The following ZNF608 variants were observed in gnomAD, a reference collection of about 807,000 sequenced individuals.
ZNF608 encodes the protein zinc finger protein 608.
In ZNF608, 12 loss-of-function variants were observed where a neutral mutation model predicts 109.0. That is an observed-to-expected ratio of 0.11 (90% confidence interval 0.07 to 0.18). The LOEUF is 0.18. ZNF608 is among the 10% of genes least tolerant of loss of function. The pLI is 1.00. For synonymous variants in ZNF608, 732 were observed against 717.4 expected (o/e 1.02, Z -0.33); for missense variants, 1,707 against 1,879.3 (o/e 0.91, Z 1.70).
chr5:124,685,720 G>A (rs1752384936), intron 3 of ZNF608, among the ~76,000 whole-genome samples: 1 of 152,056 alleles, frequency 6.6e-6, no homozygotes, highest in African/African-American at 2.4e-5. Flanking sequence ...TACGCGGCCA[G>A]CCCACCTGAT....
chr5:124,647,953 T>C lies in ZNF608; in HGVS notation c.2431A>G (p.Lys811Glu), dbSNP rs201501963. ...VNPALVSLKD[K>E]KKKEKRKLKD... ...AGCTTTCGCTTCTCCTTTTTCTTTT[T>C]GTCTTTGAGTGACACCAGAGCTGGG... is the stretch of plus-strand genomic sequence containing the variant. Residue 811 changes from lysine to glutamate, a missense_variant, in exon 5 of 10, where the codon AAA becomes GAA. Physicochemically the swap from Lys to Glu is moderately conservative, Grantham distance 56. Transcript: ENST00000513986. The C allele has an allele frequency of 1.2e-6, 2 of 1,614,132 alleles. No individual in the cohort carries two copies. The highest frequency in any genetic ancestry group is 1.7e-6 in the Non-Finnish European group (2 of 1,180,014).
chr5:124,692,568 T>A (rs1230165526), intron 3 of ZNF608, among the ~76,000 whole-genome samples: 1 of 152,206 alleles, frequency 6.6e-6, no homozygotes, highest in African/African-American at 2.4e-5. Context: ...AAAAATAAAC[T>A]CCAGTTATTA....
intron 3 of ZNF608, among the ~76,000 whole-genome samples, chr5:124,698,978 C>T (rs1002092834): frequency 6.6e-6 from 1 of 152,122 alleles, no homozygotes; most frequent in African/African-American, 2.4e-5. Flanking sequence ...TCATGACAAG[C>T]AATAAACTGA....
Position 124,701,237 on chromosome 5 carries a change from T to C in ZNF608, c.939A>G (p.Pro313=). ...VDPLFTVPAP[P]PPISSSLTPQ... ...GCGTGAGACTGCTGGAAATCGGCGG[T>C]GGTGGCGCTGGCACTGTAAACAGGG... Residue 313 remains proline (P), a synonymous_variant, in exon 3 of 10, where the codon CCA becomes CCG. Transcript: ENST00000513986. The C allele has an allele frequency of 1.9e-6, 3 of 1,614,006 alleles. No individual in the cohort carries two copies. Among genetic ancestry groups the C allele is most frequent in the Non-Finnish European group, 2.5e-6 (3 of 1,179,988 alleles).
chr5:124,739,679 G>C (rs1248143950), intron 2 of ZNF608, among the ~76,000 whole-genome samples: 1 of 152,194 alleles, frequency 6.6e-6, no homozygotes, highest in Non-Finnish European at 1.5e-5. Flanking sequence ...TTTTCACAGT[G>C]TTGCTCATAT....
At chr5:124,688,849 A>G (rs1580626774) in intron 3 of ZNF608, among the ~76,000 whole-genome samples, 1 of 152,334 alleles carries the variant, frequency 6.6e-6, no homozygotes, top group African/African-American at 2.4e-5. Context: ...TGTTTTCATA[A>G]CATCAGAAAT....
chr5:124,733,401 A>G (rs919584118), intron 2 of ZNF608, among the ~76,000 whole-genome samples: 3 of 152,096 alleles, frequency 2.0e-5, no homozygotes, highest in Non-Finnish European at 2.9e-5. Context: ...TACAAGCACA[A>G]TGAGGAGCTG....
chr5:124,708,664 G>T, intron 2 of ZNF608: 1 of 455,138 alleles, frequency 2.2e-6, no homozygotes, highest in South Asian at 1.6e-5. Flanking sequence ...TAAAACTACC[G>T]TTATGCACAG....
intron 2 of ZNF608, among the ~76,000 whole-genome samples, chr5:124,718,329 G>GAAAAATA: frequency 6.6e-6 from 1 of 152,290 alleles, no homozygotes; most frequent in East Asian, 1.9e-4. Flanking sequence ...AAACAGAAAT[G>GAAAAATA]AAAAATAAAC....
chr5:124,733,622 A>T (rs1445792700), intron 2 of ZNF608, among the ~76,000 whole-genome samples: 1 of 152,178 alleles, frequency 6.6e-6, no homozygotes, highest in African/African-American at 2.4e-5. Context: ...GGGCTACCAC[A>T]ATCATTGCTA....
chr5:124,745,592 A>T (rs1749610793), intron 1 of ZNF608, among the ~76,000 whole-genome samples: 3 of 152,180 alleles, frequency 2.0e-5, no homozygotes, highest in African/African-American at 7.2e-5. Flanking sequence ...ATCCCTAAAC[A>T]TGTCCTAGAT....
At chr5:124,651,854 A>G (rs1750798390) in intron 3 of ZNF608, among the ~76,000 whole-genome samples, 2 of 152,224 alleles carry the variant, frequency 1.3e-5, no homozygotes, top group Admixed American at 6.5e-5. Context: ...CGCATCCCCC[A>G]CGGCGCGCTG....
chr5:124,670,333 C>CTTTTT (rs199562758), intron 3 of ZNF608, among the ~76,000 whole-genome samples: 1 of 147,516 alleles, frequency 6.8e-6, no homozygotes. Flanking sequence ...CTTTTTCTTT[C>CTTTTT]TTTCTTTTTT....
chr5:124,674,540 A>T (rs1249538534), intron 3 of ZNF608, among the ~76,000 whole-genome samples: 1 of 152,190 alleles, frequency 6.6e-6, no homozygotes, highest in Non-Finnish European at 1.5e-5. Context: ...ATATTAAATC[A>T]ATTAATTCAG....
chr5:124,649,089 C>T lies in ZNF608; in HGVS notation c.1295G>A (p.Arg432Gln), dbSNP rs758196762. ...AGACCTCGCTCTCTTCCCTCTGCCC[C>T]GGCCCCCTCTCATCTCCAGGTCACT... Reference protein sequence around the residue: ...PTSDLEMRGGRGRGKRARSAA... With the variant: ...PTSDLEMRGGQGRGKRARSAA... Residue 432 changes from arginine to glutamine, a missense_variant, in exon 5 of 10, where the codon CGG becomes CAG. Arg to Gln is a conservative substitution (Grantham distance 43, BLOSUM62 1). This residue lies in a region of ZNF608 where 166 missense variants were observed against 204.2 expected (regional missense o/e 0.81). Coordinates refer to ENST00000513986, the MANE Select transcript of ZNF608 (RefSeq NM_020747.3). 1.3e-6 allele frequency: 2 copies of T among 1,591,646 alleles called. No individual in the cohort carries two copies. Among genetic ancestry groups the T allele is most frequent in the Admixed American group, 1.9e-5 (1 of 52,748 alleles).
chr5:124,684,008 T>G (rs1291922918), intron 3 of ZNF608, among the ~76,000 whole-genome samples: 2 of 152,196 alleles, frequency 1.3e-5, no homozygotes, highest in African/African-American at 2.4e-5. Context: ...AACCAGACCC[T>G]GCTTTACCTA....
intron 2 of ZNF608, among the ~76,000 whole-genome samples, chr5:124,726,360 A>C (rs1001937675): frequency 6.6e-6 from 1 of 152,164 alleles, no homozygotes; most frequent in Admixed American, 6.5e-5. Flanking sequence ...TGGAAGGACC[A>C]TAATCACTTG....
chr5:124,662,280 G>A (rs909187504), intron 3 of ZNF608, among the ~76,000 whole-genome samples: 2 of 152,236 alleles, frequency 1.3e-5, no homozygotes, highest in African/African-American at 4.8e-5. Context: ...AGGAATTCAA[G>A]TCAAAACCTG....
rs1201021062 is a variant in ZNF608 at position 124,744,043 on chromosome 5, C to A, written c.906+41G>T. 1 of 1,542,630 alleles carries A rather than the reference C, an allele frequency of 6.5e-7. No homozygotes were observed. The highest frequency in any genetic ancestry group is 2.3e-5 in the East Asian group (1 of 44,238). ...CCCCACACACCCACACAAATGCACACAGAGGAGAGTAGGACATCTAGGAAG... is the reference window on the plus strand; with the variant it reads ...CCCCACACACCCACACAAATGCACAAAGAGGAGAGTAGGACATCTAGGAAG... On this transcript the variant is annotated intron_variant, in intron 2 of 9. Transcript: ENST00000513986. This position sits in a 1 kb window ranked among gnomAD's most constrained non-coding sequence, Gnocchi z 4.5.
Sources: allele counts gnomAD v4.1 joint callset (sites outside exome capture counted in the v4.1 genomes callset), GRCh38; gene constraint gnomAD v4.1.1; regional missense constraint gnomAD v4.1.1; non-coding constraint Gnocchi (gnomAD v3.1); transcripts MANE v1.5; gene names NCBI Gene and HGNC (gene_info 2026-07-23, HGNC 2026-07-21).